The following KCNH5 variants were observed in gnomAD, a reference collection of about 807,000 sequenced individuals.
The protein encoded by KCNH5 is potassium voltage-gated channel subfamily H member 5.
In KCNH5, 46 loss-of-function variants were observed where a neutral mutation model predicts 96.1. That is an observed-to-expected ratio of 0.48 (90% CI 0.38 to 0.61). The LOEUF (loss-of-function observed/expected upper bound fraction) is 0.61, where lower values mean the gene tolerates loss of function less well. KCNH5 is among the 20% of genes least tolerant of loss of function. KCNH5 has a pLI of 0.00. For missense variants in KCNH5, 907 were observed against 1,225.8 expected (o/e 0.74, Z 3.88); for synonymous variants, 439 against 449.8 (o/e 0.98, Z 0.30).
rs565801967 is a variant in KCNH5, at chr14:62,941,885, C to G, written c.1369+8248G>C. Among the ~76,000 whole-genome samples the G allele has an allele frequency of 3.3e-5, 5 of 152,258 alleles. No homozygotes were observed. The East Asian group carries it at 7.7e-4, about 24-fold the overall frequency. On this transcript the variant is annotated intron_variant, in intron 7 of 10. Transcript: ENST00000322893. ...TCGAGTACCTCTCCAAGTCCAAGTC[C>G]CACTGGGCATGGTGTGCAGTCTCTT...
chr14:62,765,316 C>T (rs1885837195), intron 10 of KCNH5, among the ~76,000 whole-genome samples: 1 of 152,124 alleles, frequency 6.6e-6, no homozygotes, highest in South Asian at 2.1e-4. Flanking sequence ...AACTCGCTAG[C>T]CATATGCAGA....
At chr14:62,996,105 T>C (rs1036652123) in intron 4 of KCNH5, among the ~76,000 whole-genome samples, 1 of 152,194 alleles carries the variant, frequency 6.6e-6, no homozygotes, top group Admixed American at 6.6e-5. Flanking sequence ...AAAAGTTCCA[T>C]GGTTCCTTTA....
At chr14:62,982,589 T>C (rs1225038881) in intron 5 of KCNH5, among the ~76,000 whole-genome samples, 2 of 152,206 alleles carry the variant, frequency 1.3e-5, no homozygotes, top group African/African-American at 2.4e-5. Context: ...ATAAAAATAC[T>C]TGTTAGCATG....
rs532270527 is a variant in KCNH5, at chr14:62,928,282, T to C, written c.1369+21851A>G. ...ATGTTTTTCAGATTTATCTATACTT[T>C]GGTGAGGTGCTGAAAAAGATCTTCA... On this transcript the variant is annotated intron_variant, in intron 7 of 10. Coordinates refer to ENST00000322893, the MANE Select transcript of KCNH5 (RefSeq NM_139318.5). Among the ~76,000 whole-genome samples, 28 of 152,160 alleles carry C rather than the reference T, an allele frequency of 1.8e-4. No individual in the cohort carries two copies. The South Asian group carries it at 5.8e-3, about 32-fold the overall frequency.
At chr14:62,962,799 T>C (rs986779909) in intron 6 of KCNH5, among the ~76,000 whole-genome samples, 1 of 152,168 alleles carries the variant, frequency 6.6e-6, no homozygotes, top group African/African-American at 2.4e-5. Flanking sequence ...ACAATTTCTA[T>C]AGCAACATTT....
At chr14:63,004,319 G>A (rs1891086408) in intron 3 of KCNH5, among the ~76,000 whole-genome samples, 1 of 152,026 alleles carries the variant, frequency 6.6e-6, no homozygotes, top group Non-Finnish European at 1.5e-5. Context: ...CACTAAAGAG[G>A]AAAACAAAAG....
intron 7 of KCNH5, among the ~76,000 whole-genome samples, chr14:62,869,679 C>G (rs1358687571): frequency 6.6e-6 from 1 of 151,940 alleles, no homozygotes; most frequent in Non-Finnish European, 1.5e-5. Context: ...AGGCATCACA[C>G]TACCTGACTT....
At chr14:62,811,586 T>C (rs1886874020) in intron 8 of KCNH5, among the ~76,000 whole-genome samples, 2 of 152,134 alleles carry the variant, frequency 1.3e-5, no homozygotes. Context: ...TAGTAATACA[T>C]AGAAGAAAAT....
chr14:62,818,113 G>C lies in KCNH5; in HGVS notation c.1570-15532C>G, dbSNP rs542357385. Reference sequence around the variant, plus strand: ...GTGGCTACCAGGAGCTGGGGGCGGGGGGGGGGTGGAAGAAATGGGGAGATG... The same window carrying C: ...GTGGCTACCAGGAGCTGGGGGCGGGCGGGGGGTGGAAGAAATGGGGAGATG... On this transcript the variant is annotated intron_variant, in intron 8 of 10. Transcript: ENST00000322893. Among the ~76,000 whole-genome samples, 94 of 128,484 alleles carry C rather than the reference G, an allele frequency of 7.3e-4. 3 individuals carry two copies. Among genetic ancestry groups the C allele is most frequent in the Non-Finnish European group, 1.4e-3 (82 of 60,014 alleles). 84.3% of individuals were successfully genotyped at this position (128,484 alleles called of 152,430 possible).
intron 7 of KCNH5, among the ~76,000 whole-genome samples, chr14:62,881,176 A>G (rs543104198): frequency 9.8e-4 from 150 of 152,342 alleles, no homozygotes; most frequent in African/African-American, 3.1e-3. Flanking sequence ...CAGGTAGTCA[A>G]TGATACCCTG....
intron 7 of KCNH5, among the ~76,000 whole-genome samples, chr14:62,909,988 G>A (rs1889118481): frequency 6.6e-6 from 1 of 151,828 alleles, no homozygotes; most frequent in African/African-American, 2.4e-5. Context: ...ATTATGCCAG[G>A]AATTTTTGAG....
chr14:62,958,032 C>CA (rs1355463831), intron 6 of KCNH5, among the ~76,000 whole-genome samples: 8 of 152,242 alleles, frequency 5.3e-5, no homozygotes, highest in African/African-American at 1.9e-4. Flanking sequence ...CTTATGAGCA[C>CA]AGAATTTCAT....
At chr14:62,889,394 G>A (rs1003062597) in intron 7 of KCNH5, among the ~76,000 whole-genome samples, 1 of 152,088 alleles carries the variant, frequency 6.6e-6, no homozygotes, top group Admixed American at 6.6e-5. Flanking sequence ...GAAAAGCAGA[G>A]ACTGCACCAA....
chr14:62,806,456 A>G (rs1187302579), intron 8 of KCNH5, among the ~76,000 whole-genome samples: 1 of 152,012 alleles, frequency 6.6e-6, no homozygotes, highest in Non-Finnish European at 1.5e-5. Flanking sequence ...TAGTGCAGAA[A>G]CCCTGACCCA....
At chr14:62,906,152 G>A (rs1362405300) in intron 7 of KCNH5, among the ~76,000 whole-genome samples, 1 of 152,152 alleles carries the variant, frequency 6.6e-6, no homozygotes, top group Non-Finnish European at 1.5e-5. Context: ...GAGTGTATTA[G>A]GTGTTAGACA....
At chr14:62,903,007 C>T (rs748484395) in intron 7 of KCNH5, among the ~76,000 whole-genome samples, 2 of 152,150 alleles carry the variant, frequency 1.3e-5, no homozygotes, top group Non-Finnish European at 2.9e-5. Context: ...CATGAGCCAC[C>T]ACGTCTGCGA....
At chr14:62,751,646 AC>A (rs1885501824) in intron 10 of KCNH5, among the ~76,000 whole-genome samples, 1 of 152,234 alleles carries the variant, frequency 6.6e-6, no homozygotes, top group South Asian at 2.1e-4. Flanking sequence ...TGGCTTTCCC[AC>A]CTTTCAGCTT....
intron 7 of KCNH5, among the ~76,000 whole-genome samples, chr14:62,927,703 C>T (rs956335979): frequency 6.6e-6 from 1 of 151,934 alleles, no homozygotes; most frequent in African/African-American, 2.4e-5. Flanking sequence ...GACAGAAAGT[C>T]GGATGGTGGT....
At chr14:62,854,016 AAAC>A (rs1158338665) in intron 7 of KCNH5, among the ~76,000 whole-genome samples, 2 of 119,500 alleles carry the variant, frequency 1.7e-5, no homozygotes, top group East Asian at 6.9e-4. Flanking sequence ...AAAAAAAAAA[AAAC>A]AAAAAAAACA....
Sources: gnomAD v4.1 joint callset for allele counts (sites outside exome capture counted in the v4.1 genomes callset) on GRCh38, gnomAD v4.1.1 for gene constraint, MANE v1.5 for transcripts, NCBI Gene and HGNC (gene_info 2026-07-23, HGNC 2026-07-21) for gene names.